The following ZNF407 variants were observed in gnomAD, a reference collection of about 807,000 sequenced individuals.
ZNF407 encodes zinc finger protein 407.
Under a neutral mutation model 131.2 loss-of-function variants are expected in ZNF407, and 17 were observed. That is an observed-to-expected ratio of 0.13 (90% CI 0.09 to 0.19). The LOEUF (loss-of-function observed/expected upper bound fraction) is 0.19, where lower values mean the gene tolerates loss of function less well. ZNF407 is among the 10% of genes least tolerant of loss of function. The pLI is 1.00. For synonymous variants in ZNF407, 1,156 were observed against 1,062.0 expected (o/e 1.09, Z -1.72); for missense variants, 2,681 against 2,830.6 (o/e 0.95, Z 1.20).
chr18:74,612,825 T>C (rs896905613), intron 1 of ZNF407, among the ~76,000 whole-genome samples: 2 of 152,092 alleles, frequency 1.3e-5, no homozygotes, highest in African/African-American at 4.8e-5. Flanking sequence ...TCTGACTGAG[T>C]CACTGCCATG....
chr18:74,786,967 G>C (rs186354753), intron 4 of ZNF407, among the ~76,000 whole-genome samples: 1 of 151,286 alleles, frequency 6.6e-6, no homozygotes, highest in Non-Finnish European at 1.5e-5. Context: ...CACCACACCC[G>C]GCTCACTTTT....
chr18:74,718,000 A>G (rs1426662825), intron 3 of ZNF407, among the ~76,000 whole-genome samples: 2 of 152,158 alleles, frequency 1.3e-5, no homozygotes, highest in African/African-American at 2.4e-5. Flanking sequence ...GGATAAAGCT[A>G]ATTTATTTTT....
intron 7 of ZNF407, among the ~76,000 whole-genome samples, chr18:74,917,915 T>C (rs1006562830): frequency 1.3e-5 from 2 of 152,230 alleles, no homozygotes; most frequent in African/African-American, 4.8e-5. Context: ...TAGTAGCTTT[T>C]TGTTTTCTCT....
chr18:74,647,876 A>G (rs1247402995), intron 3 of ZNF407, among the ~76,000 whole-genome samples: 2 of 152,108 alleles, frequency 1.3e-5, no homozygotes, highest in African/African-American at 4.8e-5. Context: ...GCAGAAGGAA[A>G]ATCTTTTCTC....
At chr18:75,028,717 A>G (rs932164035) in intron 8 of ZNF407, among the ~76,000 whole-genome samples, 1 of 152,220 alleles carries the variant, frequency 6.6e-6, no homozygotes, top group Non-Finnish European at 1.5e-5. Flanking sequence ...GTACTCCTAC[A>G]GGAACAATGC....
intron 8 of ZNF407, among the ~76,000 whole-genome samples, chr18:74,989,928 T>C (rs1972698858): frequency 6.6e-6 from 1 of 152,172 alleles, no homozygotes; most frequent in African/African-American, 2.4e-5. Flanking sequence ...ATACTTTTCA[T>C]TTACCATCTT....
In ZNF407 at chr18:74,811,320, A is replaced by G. The variant is rs570136153; in HGVS notation, c.4877+29818A>G. Among the ~76,000 whole-genome samples, 398 of 152,266 alleles carry G rather than the reference A, an allele frequency of 2.6e-3. 4 individuals are homozygous for G. Among genetic ancestry groups the G allele is most frequent in the African/African-American group, 9.0e-3 (375 of 41,552 alleles). ...CAGAGAAATGCAAATCAAAACCACA[A>G]TGAGATACCATCTCACACCAGTTAG... On this transcript the variant is annotated intron_variant, in intron 4 of 8. Transcript: ENST00000299687.
intron 8 of ZNF407, among the ~76,000 whole-genome samples, chr18:75,041,805 C>T (rs932054327): frequency 6.6e-6 from 1 of 152,214 alleles, no homozygotes; most frequent in Admixed American, 6.5e-5. Context: ...CAAGAGGTAG[C>T]TTGTCCTTAA....
At chr18:74,764,223 A>G (rs1969176731) in intron 3 of ZNF407, among the ~76,000 whole-genome samples, 2 of 152,172 alleles carry the variant, frequency 1.3e-5, no homozygotes, top group Admixed American at 6.5e-5. Flanking sequence ...GGACATTCCA[A>G]TGATACCATT....
intron 4 of ZNF407, among the ~76,000 whole-genome samples, chr18:74,869,892 C>A (rs1162780263): frequency 6.6e-6 from 1 of 152,156 alleles, no homozygotes; most frequent in Non-Finnish European, 1.5e-5. Context: ...ATCTAAGATA[C>A]TATTGTGCTG....
Position 74,632,046 on chromosome 18 carries a change from G to A in ZNF407, c.1027G>A (p.Glu343Lys), listed in dbSNP as rs115368653. 2,008 of 1,613,750 alleles carry A rather than the reference G, an allele frequency of 1.2e-3. 21 individuals carry two copies. The African/African-American group carries it at 0.023, about 18-fold the overall frequency. Residue 343 changes from glutamate to lysine, a missense_variant, in exon 2 of 9, where the codon GAG becomes AAG. Transcript: ENST00000299687. ...TTCTAAACAAAGTGGTAGTAGCAGT[G>A]AGCTTCTTGTTGAAATGATGCCTTC... Reference protein sequence around the residue: ...SISKQSGSSSELLVEMMPSRN... With the variant: ...SISKQSGSSSKLLVEMMPSRN...
chr18:74,795,137 A>C (rs1969896027), intron 4 of ZNF407, among the ~76,000 whole-genome samples: 1 of 152,174 alleles, frequency 6.6e-6, no homozygotes, highest in African/African-American at 2.4e-5. Context: ...ACTTTTCTAG[A>C]GAATATTATA....
At chr18:75,011,185 A>G (rs1450649626) in intron 8 of ZNF407, among the ~76,000 whole-genome samples, 2 of 152,218 alleles carry the variant, frequency 1.3e-5, no homozygotes, top group Non-Finnish European at 2.9e-5. Context: ...GACTTCTAGC[A>G]AGTAAAATAA....
chr18:74,811,112 C>T (rs1474935182), intron 4 of ZNF407, among the ~76,000 whole-genome samples: 6 of 151,982 alleles, frequency 3.9e-5, no homozygotes, highest in African/African-American at 9.7e-5. Flanking sequence ...AGAAAATTTT[C>T]GCAACCTACT....
intron 8 of ZNF407, among the ~76,000 whole-genome samples, chr18:74,985,399 G>A (rs185758770): frequency 8.5e-5 from 13 of 152,228 alleles, no homozygotes; most frequent in Admixed American, 7.2e-4. Flanking sequence ...TGTTGATGTC[G>A]TTGACATGAG....
chr18:74,835,462 A>T (rs1683119134), intron 4 of ZNF407, among the ~76,000 whole-genome samples: 1 of 152,178 alleles, frequency 6.6e-6, no homozygotes, highest in South Asian at 2.1e-4. Flanking sequence ...TGTGGCTGCT[A>T]TAATAGAATA....
At chr18:74,722,283 C>G (rs954621222) in intron 3 of ZNF407, among the ~76,000 whole-genome samples, 1 of 151,984 alleles carries the variant, frequency 6.6e-6, no homozygotes, top group Admixed American at 6.6e-5. Flanking sequence ...GTCTCTCCGG[C>G]TCATTCTTAA....
chr18:74,896,570 G>T (rs1462444520), intron 7 of ZNF407, among the ~76,000 whole-genome samples: 1 of 152,150 alleles, frequency 6.6e-6, no homozygotes, highest in East Asian at 1.9e-4. Context: ...CTTGTCACCT[G>T]CACACAGTTC....
chr18:74,774,489 A>T (rs1969427366), intron 3 of ZNF407, among the ~76,000 whole-genome samples: 1 of 152,230 alleles, frequency 6.6e-6, no homozygotes, highest in Admixed American at 6.5e-5. Flanking sequence ...GTTTAGCATA[A>T]TGGAATGTGA....
Sources: gnomAD v4.1 joint callset for allele counts (sites outside exome capture counted in the v4.1 genomes callset) on GRCh38, gnomAD v4.1.1 for gene constraint, MANE v1.5 for transcripts, NCBI Gene and HGNC (gene_info 2026-07-23, HGNC 2026-07-21) for gene names.